The following LIN52 variants were observed in gnomAD, a reference collection of about 807,000 sequenced individuals.
LIN52 encodes lin-52 DREAM MuvB core complex component, also known as protein lin-52 homolog.
Under a neutral mutation model 18.5 loss-of-function variants are expected in LIN52, and 4 were observed. The observed-to-expected ratio is 0.22, with a 90% confidence interval of 0.11 to 0.49. The LOEUF (loss-of-function observed/expected upper bound fraction) is 0.49, where lower values mean the gene tolerates loss of function less well. Ranked by LOEUF, LIN52 falls within the 20% of genes least tolerant of loss-of-function variation. LIN52 has a pLI of 0.97. For synonymous variants in LIN52, 34 were observed against 45.5 expected (o/e 0.75, Z 1.02); for missense variants, 102 against 139.5 (o/e 0.73, Z 1.35).
chr14:74,191,930 C>T (rs943137413), intron 5 of LIN52, among the ~76,000 whole-genome samples: 2 of 152,128 alleles, frequency 1.3e-5, no homozygotes, highest in East Asian at 1.9e-4. Context: ...CCACCGCGCC[C>T]GGCCACTAAA....
At chr14:74,185,173 G>T (rs1406841719) in intron 5 of LIN52, among the ~76,000 whole-genome samples, 1 of 151,902 alleles carries the variant, frequency 6.6e-6, no homozygotes, top group Non-Finnish European at 1.5e-5. Context: ...CCTGTTCTAT[G>T]AACAGGGTAG....
At chr14:74,178,829 C>T (rs2061304326) in intron 5 of LIN52, among the ~76,000 whole-genome samples, 1 of 151,804 alleles carries the variant, frequency 6.6e-6, no homozygotes, top group South Asian at 2.1e-4. Context: ...GCCTATAATC[C>T]TAACACTTTG....
chr14:74,153,003 T>G (rs1304509493), intron 5 of LIN52, among the ~76,000 whole-genome samples: 1 of 151,146 alleles, frequency 6.6e-6, no homozygotes, highest in Non-Finnish European at 1.5e-5. Context: ...TAGATAGTAT[T>G]TTTATGTATC....
intron 5 of LIN52, among the ~76,000 whole-genome samples, chr14:74,182,487 T>C (rs1336904758): frequency 6.6e-6 from 1 of 152,084 alleles, no homozygotes; most frequent in Non-Finnish European, 1.5e-5. Flanking sequence ...TAGATGCTGA[T>C]TTGTCCAAAT....
At chr14:74,087,413 C>CAAAAA (rs59052804) in intron 1 of LIN52, among the ~76,000 whole-genome samples, 2 of 100,230 alleles carry the variant, frequency 2.0e-5, no homozygotes, top group East Asian at 2.3e-4. Flanking sequence ...GACTCCATTG[C>CAAAAA]AAAAAAAAAA....
intron 5 of LIN52, among the ~76,000 whole-genome samples, chr14:74,140,584 G>A (rs915688061): frequency 6.6e-6 from 1 of 152,154 alleles, no homozygotes; most frequent in East Asian, 1.9e-4. Context: ...AGTGTCCCCG[G>A]AGGACTCTAC....
intron 1 of LIN52, among the ~76,000 whole-genome samples, chr14:74,085,769 C>T (rs1331029832): frequency 6.6e-6 from 1 of 152,170 alleles, no homozygotes; most frequent in Non-Finnish European, 1.5e-5. Flanking sequence ...GAGTTAGGGT[C>T]TTGCAGTCAT....
At chr14:74,097,896 T>G in intron 4 of LIN52, 36 bp downstream of exon 4, 1 of 1,513,488 alleles carries the variant, frequency 6.6e-7, no homozygotes, top group Non-Finnish European at 9.2e-7. Context: ...AACTGGATAT[T>G]TATGTTTTTC....
intron 5 of LIN52, among the ~76,000 whole-genome samples, chr14:74,144,617 A>AAATTACAG (rs11281584): frequency 6.6e-6 from 1 of 151,952 alleles, no homozygotes; most frequent in East Asian, 1.9e-4. Context: ...CTTCTGTGGT[A>AAATTACAG]AGTCAGCTTG....
At chr14:74,155,261 A>G (rs2061194622) in intron 5 of LIN52, among the ~76,000 whole-genome samples, 1 of 152,244 alleles carries the variant, frequency 6.6e-6, no homozygotes, top group Non-Finnish European at 1.5e-5. Context: ...CCATAAATAA[A>G]TTAGGAATTC....
At chr14:74,141,823 A>C (rs1226444957) in intron 5 of LIN52, among the ~76,000 whole-genome samples, 1 of 152,226 alleles carries the variant, frequency 6.6e-6, no homozygotes, top group African/African-American at 2.4e-5. Flanking sequence ...GGCTTCCTCT[A>C]AAGTTGAATG....
chr14:74,099,833 G>A (rs1234881661), intron 4 of LIN52, among the ~76,000 whole-genome samples: 2 of 152,156 alleles, frequency 1.3e-5, no homozygotes, highest in African/African-American at 2.4e-5. Context: ...ATTGATCTGG[G>A]TGGTACCAAC....
chr14:74,122,636 T>C (rs1162611855), intron 5 of LIN52, among the ~76,000 whole-genome samples: 1 of 152,150 alleles, frequency 6.6e-6, no homozygotes, highest in African/African-American at 2.4e-5. Flanking sequence ...GAGGCCAAGA[T>C]GGGCAGATCA....
intron 5 of LIN52, among the ~76,000 whole-genome samples, chr14:74,193,569 A>T (rs1283425522): frequency 6.6e-6 from 1 of 152,240 alleles, no homozygotes; most frequent in African/African-American, 2.4e-5. Flanking sequence ...TTACTCTAAA[A>T]GAAATGAATC....
chr14:74,107,779 G>A (rs1408145629), intron 5 of LIN52, among the ~76,000 whole-genome samples: 2 of 152,090 alleles, frequency 1.3e-5, no homozygotes, highest in African/African-American at 4.8e-5. Flanking sequence ...TGAAAACTGG[G>A]AAAGCAGAGG....
intron 5 of LIN52, among the ~76,000 whole-genome samples, chr14:74,130,280 T>TTTTTTTTTTG: frequency 8.8e-6 from 1 of 114,266 alleles, no homozygotes; most frequent in Middle Eastern, 4.6e-3. Context: ...ATTTTTTGGT[T>TTTTTTTTTTG]TTTTTTTTTT....
At chr14:74,164,645 C>T (rs2061240768) in intron 5 of LIN52, among the ~76,000 whole-genome samples, 1 of 152,242 alleles carries the variant, frequency 6.6e-6, no homozygotes, top group Non-Finnish European at 1.5e-5. Context: ...TCTCCCTCCA[C>T]ACCCAGGCCT....
At chr14:74,139,121 A>T (rs2061114878) in intron 5 of LIN52, among the ~76,000 whole-genome samples, 2 of 152,180 alleles carry the variant, frequency 1.3e-5, no homozygotes, top group African/African-American at 4.8e-5. Flanking sequence ...AATTTAATTT[A>T]AAAAAGGGAT....
intron 5 of LIN52, among the ~76,000 whole-genome samples, chr14:74,107,703 G>C (rs1466957194): frequency 6.6e-6 from 1 of 152,084 alleles, no homozygotes; most frequent in Non-Finnish European, 1.5e-5. Flanking sequence ...GAAGACCACA[G>C]ACCAGTTAGT....
Sources: allele counts gnomAD v4.1 joint callset (sites outside exome capture counted in the v4.1 genomes callset), GRCh38; gene constraint gnomAD v4.1.1; transcripts MANE v1.5; gene names NCBI Gene and HGNC (gene_info 2026-07-23, HGNC 2026-07-21).